Variants in OR9Q1 observed in about 807,000 individuals in gnomAD.
The protein encoded by OR9Q1 is olfactory receptor family 9 subfamily Q member 1, also known as olfactory receptor 9Q1.
For synonymous variants in OR9Q1, 153 were observed against 148.6 expected (o/e 1.03, Z -0.22); for missense variants, 374 against 378.8 (o/e 0.99, Z 0.11).
At chr11:58,098,423 A>G (rs192975188) in intron 2 of OR9Q1, among the ~76,000 whole-genome samples, 112 of 151,958 alleles carry the variant, frequency 7.4e-4, no homozygotes, top group African/African-American at 2.7e-3. Context: ...TATCAATAGA[A>G]TCTGTAGTAA....
chr11:58,118,556 C>A (rs372541402), intron 2 of OR9Q1: 12 of 1,613,526 alleles, frequency 7.4e-6, no homozygotes, highest in Non-Finnish European at 1.0e-5. Context: ...GCGTCTTTTA[C>A]ATCTTTGTTT....
chr11:58,180,020 C>T lies in OR9Q1; in HGVS notation c.576C>T (p.Ser192=). 2.5e-6 allele frequency: 4 copies of T among 1,614,158 alleles called. No homozygotes were observed. The South Asian group carries it at 3.3e-5, about 13-fold the overall frequency. The part of the protein sequence containing the change: ...PPLLKLTCGE[S]YTQEVLIIMF... ...TGTTAAAGTTGACCTGTGGGGAGAG[C>T]TACACTCAAGAAGTGCTGATTATTA... The change falls in exon 3 of 3, where the codon AGC becomes AGT. Residue 192 remains serine (S), a synonymous_variant. Coordinates refer to ENST00000335397, the MANE Select transcript of OR9Q1 (RefSeq NM_001005212.4).
intron 2 of OR9Q1, among the ~76,000 whole-genome samples, chr11:58,113,534 AG>A (rs1233440672): frequency 1.3e-5 from 2 of 152,148 alleles, no homozygotes; most frequent in Non-Finnish European, 2.9e-5. Flanking sequence ...TCTTCTCAAA[AG>A]GTTCTTGTTG....
chr11:58,108,964 C>T, intron 2 of OR9Q1: 1 of 394,832 alleles, frequency 2.5e-6, no homozygotes, highest in South Asian at 1.9e-5. Flanking sequence ...CTTGGCTTAC[C>T]CACCTGCCGA....
intron 2 of OR9Q1, among the ~76,000 whole-genome samples, chr11:58,074,984 T>C (rs1853525816): frequency 6.6e-6 from 1 of 152,194 alleles, no homozygotes. Flanking sequence ...TTGGTACCAG[T>C]ACCATGCTGT....
intron 2 of OR9Q1, chr11:58,118,446 A>T: frequency 8.5e-7 from 1 of 1,172,670 alleles, no homozygotes; most frequent in Non-Finnish European, 1.2e-6. Flanking sequence ...GCCTATTAGG[A>T]TATATTCATA....
At chr11:58,069,776 T>C (rs1853468155) in intron 2 of OR9Q1, among the ~76,000 whole-genome samples, 1 of 151,222 alleles carries the variant, frequency 6.6e-6, no homozygotes, top group African/African-American at 2.4e-5. Context: ...GAAGCTGAGG[T>C]GGGAGATCGC....
At chr11:58,030,042 A>T (rs562011098) in intron 1 of OR9Q1, among the ~76,000 whole-genome samples, 4 of 152,006 alleles carry the variant, frequency 2.6e-5, no homozygotes, top group Non-Finnish European at 5.9e-5. Flanking sequence ...GGGTTTCACA[A>T]TGTTGGCCAG....
intron 2 of OR9Q1, among the ~76,000 whole-genome samples, chr11:58,133,889 C>A (rs924949092): frequency 6.7e-6 from 1 of 150,216 alleles, no homozygotes; most frequent in Admixed American, 6.8e-5. Context: ...GTTCAGTTCT[C>A]ATAGGTGTAA....
intron 2 of OR9Q1, among the ~76,000 whole-genome samples, chr11:58,087,954 T>C (rs1175891844): frequency 6.6e-6 from 1 of 151,542 alleles, no homozygotes; most frequent in Non-Finnish European, 1.5e-5. Context: ...AGTGGTGTGA[T>C]CTCGTTCACT....
At position 58,118,860 on chromosome 11, in the gene OR9Q1, G is replaced by A. The variant is rs1027806962; in HGVS notation, c.-14-60571G>A. 7 of 1,613,920 alleles carry A rather than the reference G, an allele frequency of 4.3e-6. No homozygotes were observed. In the East Asian group the frequency reaches 1.1e-4, roughly 26 times the overall value. On this transcript the variant is annotated intron_variant, in intron 2 of 2. Transcript: ENST00000335397. ...TGCCAAAGAAGATGATGACAATCTC[G>A]ATGTTTGCTGTGTCACTGCAGGCAA...
In OR9Q1 at chr11:58,031,694, C is replaced by G. The variant is rs373192012; in HGVS notation, c.-93+7590C>G. The G allele has an allele frequency of 1.9e-6, 3 of 1,613,954 alleles. No individual in the cohort carries two copies. The East Asian group carries it at 6.7e-5, about 36-fold the overall frequency. On this transcript the variant is annotated intron_variant, in intron 1 of 2. Transcript: ENST00000335397. ...GAAGGCCTTCTCTACCTGTGCAGCT[C>G]ACCTGACTGTGGTGAGCCTCTTCTA...
chr11:58,071,630 A>G (rs1278930962), intron 2 of OR9Q1, among the ~76,000 whole-genome samples: 1 of 152,230 alleles, frequency 6.6e-6, no homozygotes, highest in Non-Finnish European at 1.5e-5. Context: ...AGAAGAGGGA[A>G]ATGACCAAGG....
chr11:58,115,720 G>A (rs990101612), intron 2 of OR9Q1, among the ~76,000 whole-genome samples: 2 of 152,042 alleles, frequency 1.3e-5, no homozygotes, highest in African/African-American at 4.8e-5. Context: ...GGGTGCAATG[G>A]GGGTCTGCAT....
intron 2 of OR9Q1, among the ~76,000 whole-genome samples, chr11:58,164,150 G>A (rs887201527): frequency 3.3e-5 from 5 of 152,132 alleles, no homozygotes; most frequent in African/African-American, 1.2e-4. Flanking sequence ...TCGGCTTGCA[G>A]GGGTTGGGGG....
chr11:58,046,382 C>T (rs369327631), intron 1 of OR9Q1, among the ~76,000 whole-genome samples: 84 of 152,232 alleles, frequency 5.5e-4, no homozygotes, highest in Admixed American at 1.3e-3. Context: ...TTTGAAATCA[C>T]GGAGAAAAGA....
At chr11:58,149,793 C>G (rs78631951) in intron 2 of OR9Q1, among the ~76,000 whole-genome samples, 1 of 152,168 alleles carries the variant, frequency 6.6e-6, no homozygotes, top group Non-Finnish European at 1.5e-5. Context: ...TATCAGAACT[C>G]CACTGCTTTT....
intron 2 of OR9Q1, among the ~76,000 whole-genome samples, chr11:58,174,978 C>A (rs557820495): frequency 6.6e-6 from 1 of 151,198 alleles, no homozygotes; most frequent in African/African-American, 2.4e-5. Flanking sequence ...TGGTGGTGCA[C>A]CCCTGTAATC....
chr11:58,163,700 C>T lies in OR9Q1; in HGVS notation c.-14-15731C>T, dbSNP rs1565094490. On this transcript the variant is annotated intron_variant, in intron 2 of 2. Coordinates refer to ENST00000335397, the MANE Select transcript of OR9Q1 (RefSeq NM_001005212.4). The stretch of plus-strand genomic sequence containing the variant: ...AAACTAGAGGCTACAATGGGCCTTG[C>T]CTTTTCCTAGGTGGATCAGTTTCCA... Among the ~76,000 whole-genome samples the T allele has an allele frequency of 2.0e-5, 3 of 152,196 alleles. No individual in the cohort carries two copies. The East Asian group carries it at 5.8e-4, about 29-fold the overall frequency.
Sources: gnomAD v4.1 joint callset for allele counts (sites outside exome capture counted in the v4.1 genomes callset) on GRCh38, gnomAD v4.1.1 for gene constraint, MANE v1.5 for transcripts, NCBI Gene and HGNC (gene_info 2026-07-23, HGNC 2026-07-21) for gene names.